The following CNMD variants were observed in gnomAD, a reference collection of about 807,000 sequenced individuals.
The protein encoded by CNMD is leukocyte cell-derived chemotaxin 1.
A neutral mutation model predicts 37.5 loss-of-function variants in CNMD; 30 were observed. The ratio of observed to expected loss-of-function variants is 0.80; its 90% CI spans 0.60 to 1.09. The LOEUF (loss-of-function observed/expected upper bound fraction) is 1.09. CNMD is among the 50% of genes least tolerant of loss of function. The pLI, the probability that CNMD is intolerant of heterozygous loss-of-function variation, is 0.00. For missense variants in CNMD, 398 were observed against 423.9 expected (o/e 0.94, Z 0.54); for synonymous variants, 167 against 148.2 (o/e 1.13, Z -0.92).
Position 52,703,713 on chromosome 13 carries a change from ATCT to A in CNMD, c.884_886del (p.Lys295del), listed in dbSNP as rs766706717. The A allele has an allele frequency of 6.8e-6, 11 of 1,613,808 alleles. No homozygotes were observed. The South Asian group carries it at 9.9e-5, about 14-fold the overall frequency. On this transcript the variant is annotated inframe_deletion, in exon 7 of 7. Transcript: ENST00000377962. ...GTAATAGCCCCCCAGGGGTTCACAGATCTTCTGGCAGTGGGTGTAGCTCCGCCT... is the reference window on the plus strand; with the variant it reads ...GTAATAGCCCCCCAGGGGTTCACAGATCTGGCAGTGGGTGTAGCTCCGCCT...
rs758103471 is a variant in CNMD at position 52,739,155 on chromosome 13, G to A, written c.89C>T (p.Thr30Met). The A allele has an allele frequency of 2.0e-6, 3 of 1,520,304 alleles. No homozygotes were observed. In the South Asian group the frequency reaches 3.8e-5, roughly 19 times the overall value. The allele number at this position is 1,520,304 out of a possible 1,614,324, so 94.2% of individuals were successfully genotyped here. Residue 30 changes from threonine (T) to methionine (M), a missense_variant, in exon 2 of 7, where the codon ACG (threonine) becomes ATG (methionine). Physicochemically the swap from Thr to Met is moderately conservative, Grantham distance 81. Coordinates refer to ENST00000377962, the MANE Select transcript of CNMD (RefSeq NM_007015.3). This position sits in a 1 kb window ranked among gnomAD's most constrained non-coding sequence, Gnocchi z 5.4. ...CCGCGCGGGGCTGGAGGGCTTCACC[G>A]TCAGCGTAGCGTACGCCTGCGGGCC... Reference protein sequence around the residue: ...FCSPPAYATLTVKPSSPARLL... With the variant: ...FCSPPAYATLMVKPSSPARLL...
At chr13:52,707,373 A>G (rs1246190592) in intron 6 of CNMD, among the ~76,000 whole-genome samples, 1 of 144,556 alleles carries the variant, frequency 6.9e-6, no homozygotes, top group East Asian at 2.2e-4. Context: ...GTGTGGGTCT[A>G]TCCTCTAACT....
intron 5 of CNMD, among the ~76,000 whole-genome samples, chr13:52,709,207 T>C (rs555981806): frequency 1.3e-5 from 2 of 152,306 alleles, no homozygotes; most frequent in Admixed American, 1.3e-4. Flanking sequence ...TCTGGAGTTA[T>C]GAGAGTCAAC....
chr13:52,731,009 G>A (rs1964657344), intron 3 of CNMD, among the ~76,000 whole-genome samples: 1 of 151,956 alleles, frequency 6.6e-6, no homozygotes, highest in Non-Finnish European at 1.5e-5. Flanking sequence ...GGCTGAACTG[G>A]GCTACTTAGA....
At chr13:52,728,463 G>T (rs1383129281) in intron 3 of CNMD, among the ~76,000 whole-genome samples, 1 of 152,164 alleles carries the variant, frequency 6.6e-6, no homozygotes, top group Non-Finnish European at 1.5e-5. Context: ...TAGGTCTGGG[G>T]TGGGGCCTAA....
chr13:52,722,539 G>A (rs776170860), intron 4 of CNMD, among the ~76,000 whole-genome samples: 12 of 152,136 alleles, frequency 7.9e-5, no homozygotes, highest in Non-Finnish European at 1.0e-4. Flanking sequence ...CCAGCTTACA[G>A]ATGACAATAT....
chr13:52,723,092 C>T (rs568490541), intron 4 of CNMD, among the ~76,000 whole-genome samples: 9 of 151,482 alleles, frequency 5.9e-5, no homozygotes, highest in South Asian at 2.1e-4. Context: ...GAGTCTCTTT[C>T]GGGTTTTTTT....
intron 6 of CNMD, among the ~76,000 whole-genome samples, chr13:52,705,782 C>G (rs1964164045): frequency 6.6e-6 from 1 of 152,150 alleles, no homozygotes; most frequent in African/African-American, 2.4e-5. Flanking sequence ...AAAGGTCACT[C>G]AAGACTGGAT....
intron 6 of CNMD, among the ~76,000 whole-genome samples, chr13:52,707,945 TA>T (rs1244930735): frequency 5.7e-4 from 81 of 143,034 alleles, no homozygotes; most frequent in East Asian, 8.2e-4. Flanking sequence ...CTGTCTCTAC[TA>T]AAAAAAAAAA....
chr13:52,714,042 G>A (rs1964331799), intron 4 of CNMD, among the ~76,000 whole-genome samples: 1 of 152,168 alleles, frequency 6.6e-6, no homozygotes, highest in Non-Finnish European at 1.5e-5. Flanking sequence ...GTGCCCGGGT[G>A]ACCCAGTGGT....
At chr13:52,733,647 C>G (rs1964711760) in intron 2 of CNMD, 2 of 444,848 alleles carry the variant, frequency 4.5e-6, no homozygotes, top group Non-Finnish European at 4.2e-6. Flanking sequence ...TGGGTAGACT[C>G]TCTGGGTACC....
intron 4 of CNMD, among the ~76,000 whole-genome samples, chr13:52,714,590 T>A (rs527632682): frequency 3.2e-4 from 48 of 152,336 alleles, no homozygotes; most frequent in African/African-American, 1.1e-3. Context: ...TAGTTATTTT[T>A]AATTATTATT....
At position 52,712,821 on chromosome 13, in the gene CNMD, C is replaced by T; in HGVS notation, c.517G>A (p.Val173Met). The T allele has an allele frequency of 3.1e-6, 5 of 1,590,098 alleles. No individual in the cohort carries two copies. The highest frequency in any genetic ancestry group is 4.3e-6 in the Non-Finnish European group (5 of 1,168,552). ...VKYEENSLIWVAVDQPVKDNS... is the reference protein window; with the variant it reads ...VKYEENSLIWMAVDQPVKDNS... ...TCCTTCACAGGCTGATCTACAGCCACCCAGATAAGAGAATTTTCTTCATAT... is the reference window on the plus strand; with the variant it reads ...TCCTTCACAGGCTGATCTACAGCCATCCAGATAAGAGAATTTTCTTCATAT... The change falls in exon 5 of 7, where the codon GTG becomes ATG. Residue 173 changes from valine (V) to methionine (M), a missense_variant. Transcript: ENST00000377962.
chr13:52,732,279 A>G (rs562360279), intron 3 of CNMD, among the ~76,000 whole-genome samples: 1 of 152,344 alleles, frequency 6.6e-6, no homozygotes, highest in Non-Finnish European at 1.5e-5. Context: ...CCATCTGCAG[A>G]TTTAACAGGA....
Position 52,730,199 on chromosome 13 carries a change from C to T in CNMD, c.354+3020G>A, listed in dbSNP as rs1387327107. ...AGTATTCCATGGTGTATATGTGCCA[C>T]ATTTTCTTAATCCAGTCTATCATTG... On this transcript the variant is annotated intron_variant, in intron 3 of 6. Transcript: ENST00000377962. Among the ~76,000 whole-genome samples the T allele has an allele frequency of 4.6e-5, 7 of 152,132 alleles. No homozygotes were observed. The South Asian group carries it at 1.5e-3, about 32-fold the overall frequency.
chr13:52,707,031 C>CTA (rs1390399509), intron 6 of CNMD, among the ~76,000 whole-genome samples: 2 of 151,990 alleles, frequency 1.3e-5, no homozygotes, highest in East Asian at 1.9e-4. Context: ...GTAGCTGGGA[C>CTA]TATAGGTGCA....
intron 5 of CNMD, among the ~76,000 whole-genome samples, chr13:52,709,834 G>A (rs1021293700): frequency 6.6e-6 from 1 of 152,150 alleles, no homozygotes; most frequent in Non-Finnish European, 1.5e-5. Context: ...TTAGCCGGGC[G>A]TGGTGGCAGG....
chr13:52,737,007 T>G (rs939663491), intron 2 of CNMD, among the ~76,000 whole-genome samples: 6 of 152,170 alleles, frequency 3.9e-5, no homozygotes, highest in African/African-American at 1.4e-4. Flanking sequence ...TAAATTTCAG[T>G]AAACCTGTCC....
chr13:52,727,526 T>A (rs2138262312), intron 3 of CNMD, among the ~76,000 whole-genome samples: 1 of 152,062 alleles, frequency 6.6e-6, no homozygotes, highest in East Asian at 1.9e-4. Flanking sequence ...TAGCTAGGTG[T>A]GGTGGTGTGT....
Sources: gnomAD v4.1 joint callset for allele counts (sites outside exome capture counted in the v4.1 genomes callset) on GRCh38, gnomAD v4.1.1 for gene constraint, Gnocchi (gnomAD v3.1) non-coding constraint, MANE v1.5 for transcripts, NCBI Gene and HGNC (gene_info 2026-07-23, HGNC 2026-07-21) for gene names.